Variants in PCDHA7 observed in about 807,000 individuals in gnomAD.
The protein encoded by PCDHA7 is protocadherin alpha-7.
In PCDHA7, 37 loss-of-function variants were observed where a neutral mutation model predicts 57.2. That is an observed-to-expected ratio of 0.65 (90% CI 0.50 to 0.85). The LOEUF (loss-of-function observed/expected upper bound fraction) is 0.85. Among genes scored for constraint, PCDHA7 ranks in the 40% least tolerant of loss-of-function variants. The pLI is 0.00. For synonymous variants in PCDHA7, 553 were observed against 558.8 expected, an observed-to-expected ratio of 0.99 and a Z score of 0.15; for missense variants, 1,188 against 1,241.8, an observed-to-expected ratio of 0.96 and a Z score of 0.65.
chr5:140,988,308 G>T (rs75602297), intron 3 of PCDHA7, among the ~76,000 whole-genome samples: 1,856 of 152,298 alleles, frequency 0.012, 44 homozygotes, highest in African/African-American at 0.043. Context: ...TGCCAGCTTG[G>T]CTTGGCTTTC....
chr5:140,882,245 G>A, intron 1 of PCDHA7: 1 of 1,592,614 alleles, frequency 6.3e-7, no homozygotes, highest in Non-Finnish European at 8.6e-7. Context: ...ATTGCAGATA[G>A]CTCTGAGGTT....
chr5:140,857,572 G>A lies in PCDHA7; in HGVS notation c.2355+20834G>A, dbSNP rs144978636. ...AGCGCTCGCTGTCGAGCTACGTGTCGGTGCACGCGGAGAGCGGCAAGGTGT... is the reference window on the plus strand; with the variant it reads ...AGCGCTCGCTGTCGAGCTACGTGTCAGTGCACGCGGAGAGCGGCAAGGTGT... On this transcript the variant is annotated intron_variant, in intron 1 of 3. Transcript: ENST00000525929. 1.4e-3 allele frequency: 2,186 copies of A among 1,596,706 alleles called. 111 individuals are homozygous for A. In the African/African-American group the frequency reaches 0.025, roughly 18 times the overall value.
intron 1 of PCDHA7, 52 bp from the exon 2 acceptor site, chr5:140,978,897 G>T: frequency 6.2e-7 from 1 of 1,612,776 alleles, no homozygotes; most frequent in Non-Finnish European, 8.5e-7. Context: ...AGCATTCCTG[G>T]GAGAACATTG....
chr5:140,983,054 G>A (rs933321433), intron 3 of PCDHA7, among the ~76,000 whole-genome samples: 1 of 151,858 alleles, frequency 6.6e-6, no homozygotes. Flanking sequence ...GAAAATTATC[G>A]GAACCAAGGC....
intron 1 of PCDHA7, among the ~76,000 whole-genome samples, chr5:140,917,537 A>G (rs1433498846): frequency 2.0e-5 from 3 of 152,222 alleles, no homozygotes; most frequent in Middle Eastern, 3.2e-3. Flanking sequence ...GTATAGTTTT[A>G]GGTTTTACAT....
At chr5:140,941,255 C>CTTTT (rs782490896) in intron 1 of PCDHA7, among the ~76,000 whole-genome samples, 1 of 44,504 alleles carries the variant, frequency 2.2e-5, no homozygotes, top group Non-Finnish European at 5.1e-5. Flanking sequence ...TTCTTTCTTT[C>CTTTT]TCTTTCTTTC....
rs983313958 is a variant in PCDHA7 at position 140,856,486 on chromosome 5, G to A, written c.2355+19748G>A. The A allele has an allele frequency of 4.4e-6, 7 of 1,598,346 alleles. No homozygotes were observed. The Middle Eastern group carries it at 1.0e-3, about 228-fold the overall frequency. On this transcript the variant is annotated intron_variant, in intron 1 of 3. Transcript: ENST00000525929. ...AGCTCTCAATACCTGAATCCAGACTGCTTGACTCTCGATTTCCACTAGAAG... is the reference window on the plus strand; with the variant it reads ...AGCTCTCAATACCTGAATCCAGACTACTTGACTCTCGATTTCCACTAGAAG...
intron 1 of PCDHA7, among the ~76,000 whole-genome samples, chr5:140,947,889 A>G (rs1275614644): frequency 1.3e-5 from 2 of 151,626 alleles, no homozygotes; most frequent in Non-Finnish European, 3.0e-5. Flanking sequence ...CAATATAAAC[A>G]GAAGTGGTGA....
chr5:140,911,381 G>A (rs2075444647), intron 1 of PCDHA7, among the ~76,000 whole-genome samples: 1 of 152,116 alleles, frequency 6.6e-6, no homozygotes, highest in African/African-American at 2.4e-5. Context: ...GGCTGTGCAT[G>A]CACCTTTCAT....
intron 1 of PCDHA7, among the ~76,000 whole-genome samples, chr5:140,898,214 T>C (rs1285649893): frequency 1.3e-5 from 2 of 152,238 alleles, no homozygotes; most frequent in African/African-American, 4.8e-5. Flanking sequence ...TTTGTCAATT[T>C]TGGCTTTTGT....
At chr5:140,842,020 G>A in intron 1 of PCDHA7, 1 of 1,613,768 alleles carries the variant, frequency 6.2e-7, no homozygotes, top group South Asian at 1.1e-5. Flanking sequence ...TCACAGTGCT[G>A]GATGTGAATG....
intron 1 of PCDHA7, among the ~76,000 whole-genome samples, chr5:140,840,577 G>A (rs185474153): frequency 6.6e-6 from 1 of 151,966 alleles, no homozygotes; most frequent in Non-Finnish European, 1.5e-5. Flanking sequence ...GCATGTCAGA[G>A]AAATCATAAA....
chr5:140,873,275 T>C (rs1335407966), intron 1 of PCDHA7, among the ~76,000 whole-genome samples: 1 of 152,220 alleles, frequency 6.6e-6, no homozygotes, highest in Non-Finnish European at 1.5e-5. Context: ...TAAACCATCA[T>C]ACCACTTATG....
chr5:140,916,864 T>A (rs2077768356), intron 1 of PCDHA7, among the ~76,000 whole-genome samples: 1 of 152,156 alleles, frequency 6.6e-6, no homozygotes, highest in African/African-American at 2.4e-5. Flanking sequence ...AGGAGTTACC[T>A]AGGAATTGCA....
Position 140,877,092 on chromosome 5 carries a change from C to T in PCDHA7, c.2355+40354C>T, listed in dbSNP as rs200462899. On this transcript the variant is annotated intron_variant, in intron 1 of 3. Coordinates refer to ENST00000525929, the MANE Select transcript of PCDHA7 (RefSeq NM_018910.3). ...AGTTCCAGGTGAGCGCGCGCGACGCCGGCGTGCCGCCTCTGGGCAGCAACG... is the reference window on the plus strand; with the variant it reads ...AGTTCCAGGTGAGCGCGCGCGACGCTGGCGTGCCGCCTCTGGGCAGCAACG... The T allele has an allele frequency of 2.9e-3, 4,637 of 1,613,220 alleles. 21 individuals carry two copies. Among genetic ancestry groups the T allele is most frequent in the African/African-American group, 0.01 (785 of 75,014 alleles).
At chr5:141,009,455 A>G in intron 3 of PCDHA7, 172 bp from the exon 4 acceptor site, 1 of 946,862 alleles carries the variant, frequency 1.1e-6, no homozygotes, top group Non-Finnish European at 1.3e-6. Flanking sequence ...AAAAAATTAA[A>G]CAAATAAATA....
chr5:140,840,692 G>C lies in PCDHA7; in HGVS notation c.2355+3954G>C, dbSNP rs181650579. 2.7e-4 allele frequency among the ~76,000 whole-genome samples: 41 copies of C among 152,042 alleles called. No homozygotes were observed. The East Asian group carries it at 2.9e-3, about 11-fold the overall frequency. On this transcript the variant is annotated intron_variant, in intron 1 of 3. Transcript: ENST00000525929. ...TTTTTATTACTTTAGTAAATAAAAC[G>C]GTTCAGGCAATTTGACATTTATTGA...
At chr5:140,869,529 T>G (rs2051206211) in intron 1 of PCDHA7, 2 of 1,614,166 alleles carry the variant, frequency 1.2e-6, no homozygotes, top group Non-Finnish European at 1.7e-6. Context: ...AGCTGCTGAT[T>G]GCGGAATCTA....
intron 1 of PCDHA7, among the ~76,000 whole-genome samples, chr5:140,840,242 T>G (rs113669357): frequency 0.011 from 1,735 of 152,166 alleles, 51 homozygotes; most frequent in African/African-American, 0.04. Context: ...AGAATCACTA[T>G]GCTATAAAAA....
Sources: allele counts gnomAD v4.1 joint callset (sites outside exome capture counted in the v4.1 genomes callset), GRCh38; gene constraint gnomAD v4.1.1; transcripts MANE v1.5; gene names NCBI Gene and HGNC (gene_info 2026-07-23, HGNC 2026-07-21).